ERAP1: variants seen among roughly 807,000 people sequenced by gnomAD.
ERAP1 encodes the protein endoplasmic reticulum aminopeptidase 1.
Under a neutral mutation model 103.7 loss-of-function variants are expected in ERAP1, and 86 were observed. The observed-to-expected ratio is 0.83, with a 90% confidence interval of 0.70 to 0.99. The LOEUF is 0.99. ERAP1 is among the 50% of genes least tolerant of loss of function. The probability of loss-of-function intolerance (pLI) is 0.00; values close to 1 mark genes in which losing one functional copy is unlikely to be tolerated. For missense variants in ERAP1, 1,009 were observed against 1,128.4 expected (o/e 0.89, Z 1.52); for synonymous variants, 398 against 402.4 (o/e 0.99, Z 0.13).
upstream of ERAP1, among the ~76,000 whole-genome samples, chr5:96,808,815 A>G (rs939961462): frequency 9.9e-5 from 15 of 152,214 alleles, no homozygotes; most frequent in Non-Finnish European, 1.9e-4. Flanking sequence ...ACCAAATGCT[A>G]CAAGTTTATT....
chr5:96,804,089 C>A (rs917925652), intron 1 of ERAP1, 146 bp from the exon 2 acceptor site: 12 of 816,104 alleles, frequency 1.5e-5, no homozygotes, highest in South Asian at 4.9e-5. Flanking sequence ...AGTAAAAGGA[C>A]CTTCCCTATG....
At chr5:96,879,654 G>A in the ERAP1 span, 16 of 1,584,182 alleles carry the variant, frequency 1.0e-5, no homozygotes, top group Non-Finnish European at 1.4e-5. Context: ...GATTAGCCTG[G>A]ATATTAACTT....
intron 11 of ERAP1, chr5:96,786,848 CAT>C: frequency 2.8e-6 from 1 of 352,992 alleles, no homozygotes; most frequent in Non-Finnish European, 5.4e-6. Context: ...CTTCAGGACT[CAT>C]GTGCCTCCTG....
chr5:96,789,155 G>T (rs1403382051), intron 10 of ERAP1, among the ~76,000 whole-genome samples: 1 of 152,194 alleles, frequency 6.6e-6, no homozygotes, highest in East Asian at 1.9e-4. Flanking sequence ...AAAAGGAGCT[G>T]TTTTTTGATA....
At chr5:96,892,737 A>G in the ERAP1 span, among the ~76,000 whole-genome samples, 1 of 152,218 alleles carries the variant, frequency 6.6e-6, no homozygotes, top group African/African-American at 2.4e-5. Context: ...GTGACTATAC[A>G]GACACATGAA....
At chr5:96,890,764 C>T in the ERAP1 span, among the ~76,000 whole-genome samples, 1 of 152,120 alleles carries the variant, frequency 6.6e-6, no homozygotes, top group Non-Finnish European at 1.5e-5. Context: ...GTTCCTGAGT[C>T]TTACTCTGCT....
chr5:96,843,535 G>GTT, the ERAP1 span, among the ~76,000 whole-genome samples: 5 of 152,210 alleles, frequency 3.3e-5, no homozygotes, highest in Admixed American at 6.5e-5. Flanking sequence ...GTTGCAAAGG[G>GTT]AATAACCCTT....
upstream of ERAP1, among the ~76,000 whole-genome samples, chr5:96,808,487 A>T (rs540165392): frequency 4.6e-5 from 7 of 152,020 alleles, no homozygotes; most frequent in East Asian, 1.4e-3. Context: ...GGAAAGAAAC[A>T]TGAACCCAGT....
In ERAP1 at chr5:96,776,253, CT is replaced by C. The variant is rs1774276747; in HGVS notation, c.*142del. 1 of 1,135,498 alleles carries C rather than the reference CT, an allele frequency of 8.8e-7. No homozygotes were observed. The highest frequency in any genetic ancestry group is 1.5e-5 in the South Asian group (1 of 67,562). 70.3% of individuals were successfully genotyped at this position (1,135,498 alleles called of 1,614,324 possible). Reference sequence around the variant, plus strand: ...CATTCATGAAAAACTAACAGCTATTCTTTTCACAGGGATAGTCAAAAAATGA... The same window carrying C: ...CATTCATGAAAAACTAACAGCTATTCTTTCACAGGGATAGTCAAAAAATGA... On this transcript the variant is annotated 3_prime_UTR_variant, in exon 19 of 19. Coordinates refer to ENST00000443439, the MANE Select transcript of ERAP1 (RefSeq NM_001040458.3).
chr5:96,867,983 G>A, the ERAP1 span, among the ~76,000 whole-genome samples: 2 of 152,114 alleles, frequency 1.3e-5, no homozygotes, highest in Non-Finnish European at 2.9e-5. Flanking sequence ...CTGAGGCAGG[G>A]AGAATTGCTT....
chr5:96,851,338 G>C, the ERAP1 span, among the ~76,000 whole-genome samples: 1 of 152,114 alleles, frequency 6.6e-6, no homozygotes, highest in African/African-American at 2.4e-5. Context: ...CTCACATCCC[G>C]TGTCTCCTTT....
intron 4 of ERAP1, among the ~76,000 whole-genome samples, chr5:96,795,871 C>CAA (rs1374984010): frequency 6.6e-6 from 1 of 152,140 alleles, no homozygotes; most frequent in Non-Finnish European, 1.5e-5. Flanking sequence ...CAACGAACCA[C>CAA]AAAATCAGAT....
At chr5:96,796,503 A>G (rs1777360382) in intron 4 of ERAP1, among the ~76,000 whole-genome samples, 1 of 152,248 alleles carries the variant, frequency 6.6e-6, no homozygotes, top group Non-Finnish European at 1.5e-5. Flanking sequence ...GCAGAAAGCC[A>G]TAACCAGAAG....
intron 3 of ERAP1, among the ~76,000 whole-genome samples, chr5:96,799,479 C>T (rs1438239909): frequency 1.3e-5 from 2 of 152,144 alleles, no homozygotes; most frequent in African/African-American, 4.8e-5. Context: ...CCTATCTTCA[C>T]TAAGTGGATC....
At chr5:96,823,789 TC>T in the ERAP1 span, among the ~76,000 whole-genome samples, 6 of 152,186 alleles carry the variant, frequency 3.9e-5, no homozygotes, top group East Asian at 1.2e-3. Flanking sequence ...ATTTTTTCCC[TC>T]CTTATTAAGT....
chr5:96,914,085 T>G, the ERAP1 span, among the ~76,000 whole-genome samples: 3 of 152,028 alleles, frequency 2.0e-5, no homozygotes, highest in South Asian at 6.2e-4. Flanking sequence ...CCAATAATGA[T>G]TAGATTTTGT....
the ERAP1 span, among the ~76,000 whole-genome samples, chr5:96,860,368 A>G: frequency 6.6e-6 from 1 of 152,190 alleles, no homozygotes; most frequent in African/African-American, 2.4e-5. Flanking sequence ...CTATAAATTT[A>G]TAATGAGAAT....
the ERAP1 span, among the ~76,000 whole-genome samples, chr5:96,888,892 C>G: frequency 6.6e-6 from 1 of 152,086 alleles, no homozygotes; most frequent in Admixed American, 6.6e-5. Flanking sequence ...AAGTGGGTTC[C>G]TCTCTATGAT....
chr5:96,786,725 C>T (rs1776054180), intron 11 of ERAP1, 176 bp from the exon 12 acceptor site: 1 of 588,138 alleles, frequency 1.7e-6, no homozygotes, highest in South Asian at 2.0e-5. Context: ...GGAGTGTCAG[C>T]TCGGGCACTA....
Sources: gnomAD v4.1 joint callset for allele counts (sites outside exome capture counted in the v4.1 genomes callset) on GRCh38, gnomAD v4.1.1 for gene constraint, MANE v1.5 for transcripts, NCBI Gene and HGNC (gene_info 2026-07-23, HGNC 2026-07-21) for gene names.